Variants in MAST4 observed in about 807,000 individuals in gnomAD.
The protein encoded by MAST4 is microtubule associated serine/threonine kinase family member 4.
In MAST4, 89 loss-of-function variants were observed where a neutral mutation model predicts 162.7. The observed-to-expected ratio is 0.55, with a 90% CI of 0.46 to 0.65. The LOEUF (loss-of-function observed/expected upper bound fraction) is 0.65, where lower values mean the gene tolerates loss of function less well. Ranked by LOEUF, MAST4 falls within the 30% of genes least tolerant of loss-of-function variation. MAST4 has a pLI of 0.00. For synonymous variants in MAST4, 1,479 were observed against 1,361.1 expected (o/e 1.09, Z -1.91); for missense variants, 3,153 against 3,374.0 (o/e 0.93, Z 1.62).
At chr5:66,655,589 C>T (rs1042965696) in intron 1 of MAST4, among the ~76,000 whole-genome samples, 2 of 152,106 alleles carry the variant, frequency 1.3e-5, no homozygotes, top group South Asian at 2.1e-4. Flanking sequence ...CCTGATTTGC[C>T]AGCAAATACG....
At chr5:66,669,835 G>A (rs1455666324) in intron 1 of MAST4, among the ~76,000 whole-genome samples, 8 of 152,110 alleles carry the variant, frequency 5.3e-5, no homozygotes, top group Admixed American at 2.0e-4. Context: ...ACTGGGTGTC[G>A]GCATTTGAAA....
intron 12 of MAST4, among the ~76,000 whole-genome samples, chr5:67,116,368 G>C (rs1295460694): frequency 1.3e-5 from 2 of 151,548 alleles, no homozygotes; most frequent in Non-Finnish European, 2.9e-5. Flanking sequence ...ACCATGCTCA[G>C]CTAATTTTTG....
At chr5:67,093,696 C>G (rs1278980427) in intron 6 of MAST4, 2 of 447,238 alleles carry the variant, frequency 4.5e-6, no homozygotes, top group Non-Finnish European at 9.1e-6. Context: ...ATTGCTCATT[C>G]ATCTAAAATA....
chr5:67,138,198 T>G (rs1335117258), intron 19 of MAST4, among the ~76,000 whole-genome samples: 1 of 152,182 alleles, frequency 6.6e-6, no homozygotes, highest in Non-Finnish European at 1.5e-5. Context: ...CATAGGATTA[T>G]TATAAGGATA....
chr5:67,152,911 A>G (rs1772018448), intron 25 of MAST4, 45 bp downstream of exon 25: 1 of 1,511,506 alleles, frequency 6.6e-7, no homozygotes, highest in Non-Finnish European at 9.1e-7. Context: ...ATTTCCAGCC[A>G]AGCTGGAGAG....
At chr5:66,870,757 C>A in intron 3 of MAST4, 1 of 471,234 alleles carries the variant, frequency 2.1e-6, no homozygotes. Context: ...CGTTCACTCC[C>A]CATCTTCCAT....
intron 3 of MAST4, among the ~76,000 whole-genome samples, chr5:66,811,711 A>T (rs571133379): frequency 7.2e-4 from 110 of 152,152 alleles, no homozygotes; most frequent in Non-Finnish European, 1.4e-3. Context: ...GTCCTAGTGC[A>T]CTCACATGTA....
chr5:67,155,983 C>T (rs1297101936), intron 26 of MAST4, among the ~76,000 whole-genome samples: 4 of 150,544 alleles, frequency 2.7e-5, no homozygotes, highest in African/African-American at 9.8e-5. Context: ...TTCTTGAACC[C>T]GGGAGGCGGA....
chr5:66,815,592 T>G (rs557956230), intron 3 of MAST4, among the ~76,000 whole-genome samples: 3 of 152,368 alleles, frequency 2.0e-5, no homozygotes, highest in Non-Finnish European at 2.9e-5. Flanking sequence ...TTTCCTTGTA[T>G]TTCAGAAGAC....
chr5:66,617,445 A>G (rs1207160690), intron 1 of MAST4, among the ~76,000 whole-genome samples: 2 of 151,872 alleles, frequency 1.3e-5, no homozygotes, highest in Non-Finnish European at 2.9e-5. Flanking sequence ...GTTTTTTCAC[A>G]CTTTGGGTCA....
At chr5:66,760,870 G>A (rs1401719107) in intron 2 of MAST4, among the ~76,000 whole-genome samples, 2 of 152,060 alleles carry the variant, frequency 1.3e-5, no homozygotes, top group Admixed American at 1.3e-4. Flanking sequence ...GAGATATGAT[G>A]AATATGCTAA....
chr5:66,865,814 C>CA (rs1330414106), intron 3 of MAST4, among the ~76,000 whole-genome samples: 5 of 152,152 alleles, frequency 3.3e-5, no homozygotes, highest in Admixed American at 6.5e-5. Context: ...GTGGCTCACG[C>CA]CTGTAATCCC....
intron 1 of MAST4, among the ~76,000 whole-genome samples, chr5:66,705,211 G>A (rs1340179219): frequency 2.6e-5 from 4 of 152,172 alleles, no homozygotes; most frequent in Non-Finnish European, 5.9e-5. Context: ...ATTCACTTGA[G>A]ATTATCTAAA....
intron 1 of MAST4, among the ~76,000 whole-genome samples, chr5:66,685,140 T>C (rs1361917969): frequency 6.6e-6 from 1 of 151,984 alleles, no homozygotes; most frequent in Non-Finnish European, 1.5e-5. Context: ...TGCACACTTG[T>C]AGTCCCAACT....
At chr5:67,071,698 T>TA (rs1761020745) in intron 5 of MAST4, among the ~76,000 whole-genome samples, 1 of 152,118 alleles carries the variant, frequency 6.6e-6, no homozygotes, top group East Asian at 1.9e-4. Context: ...AGGCGAAGGT[T>TA]ACAGTGAGCC....
In MAST4 at chr5:67,166,041, C is replaced by A; in HGVS notation, c.6862C>A (p.Pro2288Thr). Residue 2288 changes from proline (P) to threonine (T), a missense_variant, in exon 29 of 29, where the codon CCC becomes ACC. This residue lies in a region of MAST4 where 1,644 missense variants were observed against 1,495.0 expected (regional missense o/e 1.10). Coordinates refer to ENST00000403625, the MANE Select transcript of MAST4 (RefSeq NM_001164664.2). Reference protein sequence around the residue: ...DRAPLDAKPQPTSGGRPLEVL... With the variant: ...DRAPLDAKPQTTSGGRPLEVL... ...GGCTCCTCTAGACGCCAAGCCACAACCCACCAGTGGTGGGCGGCCCCTGGA... is the reference window on the plus strand; with the variant it reads ...GGCTCCTCTAGACGCCAAGCCACAAACCACCAGTGGTGGGCGGCCCCTGGA... The A allele has an allele frequency of 1.9e-6, 3 of 1,613,856 alleles. No individual in the cohort carries two copies. The highest frequency in any genetic ancestry group is 1.6e-4 in the Middle Eastern group (1 of 6,062).
chr5:67,063,135 AT>A (rs1759826513), intron 5 of MAST4, among the ~76,000 whole-genome samples: 1 of 150,380 alleles, frequency 6.6e-6, no homozygotes, highest in Non-Finnish European at 1.5e-5. Flanking sequence ...GGAGAATACC[AT>A]CTTTATGTTC....
intron 5 of MAST4, among the ~76,000 whole-genome samples, chr5:67,069,959 A>T (rs1043150862): frequency 6.6e-6 from 1 of 150,954 alleles, no homozygotes; most frequent in African/African-American, 2.4e-5. Flanking sequence ...GTGTTTAGAG[A>T]TGCAAATCAT....
At chr5:66,877,881 C>A (rs1266040336) in intron 3 of MAST4, among the ~76,000 whole-genome samples, 2 of 152,114 alleles carry the variant, frequency 1.3e-5, no homozygotes, top group Admixed American at 1.3e-4. Flanking sequence ...CCTTTAAAAG[C>A]AAAAACAATA....
Sources: gnomAD v4.1 joint callset for allele counts (sites outside exome capture counted in the v4.1 genomes callset) on GRCh38, gnomAD v4.1.1 for gene constraint, gnomAD v4.1.1 regional missense constraint, MANE v1.5 for transcripts, NCBI Gene and HGNC (gene_info 2026-07-23, HGNC 2026-07-21) for gene names.